The following GRIK3 variants were observed in gnomAD, a reference collection of about 807,000 sequenced individuals.
GRIK3 encodes the protein glutamate receptor ionotropic, kainate 3.
In GRIK3, 29 loss-of-function variants were observed where a neutral mutation model predicts 102.5. The ratio of observed to expected loss-of-function variants is 0.28; its 90% CI spans 0.21 to 0.39. The LOEUF is 0.39. Among genes scored for constraint, GRIK3 ranks in the 10% least tolerant of loss-of-function variants. GRIK3 has a pLI of 1.00. For synonymous variants in GRIK3, 511 were observed against 504.9 expected (o/e 1.01, Z -0.16); for missense variants, 908 against 1,252.4 (o/e 0.73, Z 4.15).
At position 36,805,150 on chromosome 1, in the gene GRIK3, C is replaced by G; in HGVS notation, c.2402G>C (p.Arg801Pro). The G allele has an allele frequency of 6.2e-7, 1 of 1,614,218 alleles. No individual in the cohort carries two copies. Among genetic ancestry groups the G allele is most frequent in the Non-Finnish European group, 8.5e-7 (1 of 1,180,044 alleles). The change falls in exon 15 of 16, where the codon CGG becomes CCG. Residue 801 changes from arginine to proline, a missense_variant. By Grantham distance (103) the Arg-to-Pro change is moderately radical. This residue lies in a region of GRIK3 where 297 missense variants were observed against 362.7 expected (regional missense o/e 0.82). Transcript: ENST00000373091. Reference protein sequence around the residue: ...KLHIMKEKWWRGSGCPEEENK... With the variant: ...KLHIMKEKWWPGSGCPEEENK... ...TTCCTCCTCAGGACACCCGCTGCCC[C>G]GCCACCACTTCTCCTTCATGATATG...
chr1:36,828,074 A>G (rs1461126555), intron 10 of GRIK3, among the ~76,000 whole-genome samples: 4 of 122,786 alleles, frequency 3.3e-5, no homozygotes, highest in Non-Finnish European at 6.3e-5. Flanking sequence ...AAGAAAGCAG[A>G]AAAAAAAAAA....
In GRIK3 at chr1:36,841,956, G is replaced by A; in HGVS notation, c.1327-17C>T. On this transcript the variant is annotated splice_polypyrimidine_tract_variant and intron_variant, in intron 9 of 15. Coordinates refer to ENST00000373091, the MANE Select transcript of GRIK3 (RefSeq NM_000831.4). Reference sequence around the variant, plus strand: ...GGGCTCCTCCTGCAGAGACAGATGGGCAGGGTGTGACGAAGACTGAGCAGC... The same window carrying A: ...GGGCTCCTCCTGCAGAGACAGATGGACAGGGTGTGACGAAGACTGAGCAGC... The A allele has an allele frequency of 6.2e-7, 1 of 1,608,806 alleles. No individual in the cohort carries two copies.
At chr1:36,977,047 G>A (rs1642203238) in intron 1 of GRIK3, among the ~76,000 whole-genome samples, 1 of 152,068 alleles carries the variant, frequency 6.6e-6, no homozygotes, top group Non-Finnish European at 1.5e-5. Flanking sequence ...GAGGCTGGCT[G>A]TCAGTCCCCT....
intron 9 of GRIK3, among the ~76,000 whole-genome samples, chr1:36,845,144 G>A (rs78730369): frequency 0.037 from 5,661 of 152,236 alleles, 158 homozygotes; most frequent in Non-Finnish European, 0.057. Flanking sequence ...CTCTAGACCT[G>A]CAACATTTCC....
intron 13 of GRIK3, among the ~76,000 whole-genome samples, chr1:36,807,071 A>G (rs772554770): frequency 2.6e-5 from 4 of 152,136 alleles, no homozygotes; most frequent in Non-Finnish European, 4.4e-5. Flanking sequence ...GGAGAAAAGT[A>G]AGGGCAGTCA....
In GRIK3 at chr1:36,823,995, G is replaced by A. The variant is rs560447942; in HGVS notation, c.1754+1608C>T. On this transcript the variant is annotated intron_variant, in intron 11 of 15. Coordinates refer to ENST00000373091, the MANE Select transcript of GRIK3 (RefSeq NM_000831.4). ...GAGTGGTGGTGTGAGGGTGTTGGGCGAGGTGACAAGTGCACTCTGATGCTC... is the reference window on the plus strand; with the variant it reads ...GAGTGGTGGTGTGAGGGTGTTGGGCAAGGTGACAAGTGCACTCTGATGCTC... Among the ~76,000 whole-genome samples the A allele has an allele frequency of 3.7e-4, 56 of 152,100 alleles. No homozygotes were observed. In the South Asian group the frequency reaches 0.01, roughly 28 times the overall value.
chr1:36,958,418 C>CTGTGCCCCATGAGCCTG (rs60547130), intron 1 of GRIK3, among the ~76,000 whole-genome samples: 7,365 of 50,232 alleles, frequency 0.15, 710 homozygotes, highest in African/African-American at 0.23. Flanking sequence ...CCCCGTGAGT[C>CTGTGCCCCATGAGCCTG]TGTGCCCCGT....
At chr1:36,917,593 TAAG>T (rs1641416491) in intron 1 of GRIK3, among the ~76,000 whole-genome samples, 2 of 152,302 alleles carry the variant, frequency 1.3e-5, no homozygotes, top group Non-Finnish European at 2.9e-5. Flanking sequence ...CGAGATTTAA[TAAG>T]GAGGAGTTTC....
chr1:36,856,383 G>A (rs952259680), intron 7 of GRIK3, among the ~76,000 whole-genome samples: 7 of 152,218 alleles, frequency 4.6e-5, no homozygotes, highest in Non-Finnish European at 8.8e-5. Flanking sequence ...CATTTCCTGC[G>A]CTGCCCGCCC....
At chr1:36,942,889 A>C (rs1641743280) in intron 1 of GRIK3, among the ~76,000 whole-genome samples, 1 of 152,128 alleles carries the variant, frequency 6.6e-6, no homozygotes, top group African/African-American at 2.4e-5. Flanking sequence ...CACTCTCCTG[A>C]TAGGGCAGCT....
chr1:36,904,920 C>A (rs992193619), intron 1 of GRIK3, among the ~76,000 whole-genome samples: 1 of 152,100 alleles, frequency 6.6e-6, no homozygotes, highest in Admixed American at 6.6e-5. Context: ...ACAAAAATAA[C>A]AAATCATGTT....
At chr1:36,964,250 G>T (rs1297167521) in intron 1 of GRIK3, among the ~76,000 whole-genome samples, 3 of 152,222 alleles carry the variant, frequency 2.0e-5, no homozygotes, top group African/African-American at 7.2e-5. Context: ...CTTGCCTGGA[G>T]ACAAGCACCA....
chr1:36,838,618 T>C (rs957642891), intron 10 of GRIK3, among the ~76,000 whole-genome samples: 1 of 152,114 alleles, frequency 6.6e-6, no homozygotes, highest in African/African-American at 2.4e-5. Context: ...GCAGGGAGTA[T>C]CTGGGAAGGG....
At chr1:37,013,027 A>C (rs980409639) in intron 1 of GRIK3, among the ~76,000 whole-genome samples, 18 of 152,236 alleles carry the variant, frequency 1.2e-4, no homozygotes, top group African/African-American at 3.9e-4. Context: ...TAATTTATAA[A>C]GAAAAAGGTT....
intron 1 of GRIK3, among the ~76,000 whole-genome samples, chr1:37,022,823 G>T (rs1341680861): frequency 1.2e-4 from 18 of 152,238 alleles, no homozygotes; most frequent in African/African-American, 4.1e-4. Context: ...TGTGCTAGAA[G>T]CACTGGATAA....
intron 10 of GRIK3, among the ~76,000 whole-genome samples, chr1:36,839,743 C>G (rs1640424435): frequency 6.6e-6 from 1 of 152,182 alleles, no homozygotes; most frequent in African/African-American, 2.4e-5. Context: ...GAGTTTGAAT[C>G]AAACTGAGCT....
intron 1 of GRIK3, among the ~76,000 whole-genome samples, chr1:36,995,293 C>G (rs977074847): frequency 3.3e-5 from 5 of 152,122 alleles, no homozygotes; most frequent in African/African-American, 1.2e-4. Context: ...CATGGTCAGT[C>G]CACCACATCT....
intron 10 of GRIK3, among the ~76,000 whole-genome samples, chr1:36,836,584 C>G (rs995674112): frequency 1.3e-5 from 2 of 152,228 alleles, no homozygotes; most frequent in Non-Finnish European, 2.9e-5. Flanking sequence ...GCAACTTCTC[C>G]ATAGGAAAGT....
At chr1:36,906,621 AGAT>A (rs1641287561) in intron 1 of GRIK3, among the ~76,000 whole-genome samples, 1 of 149,842 alleles carries the variant, frequency 6.7e-6, no homozygotes, top group Non-Finnish European at 1.5e-5. Flanking sequence ...TAAATGTTTT[AGAT>A]GATAAGTATT....
Sources: gnomAD v4.1 joint callset for allele counts (sites outside exome capture counted in the v4.1 genomes callset) on GRCh38, gnomAD v4.1.1 for gene constraint, gnomAD v4.1.1 regional missense constraint, MANE v1.5 for transcripts, NCBI Gene and HGNC (gene_info 2026-07-23, HGNC 2026-07-21) for gene names.